ATP9B: variants seen among roughly 807,000 people sequenced by gnomAD.
The protein encoded by ATP9B is probable phospholipid-transporting ATPase IIB.
A neutral mutation model predicts 146.1 loss-of-function variants in ATP9B; 110 were observed. The observed-to-expected ratio is 0.75, with a 90% CI of 0.65 to 0.88. The LOEUF (loss-of-function observed/expected upper bound fraction) is 0.88. Ranked by LOEUF, ATP9B falls within the 40% of genes least tolerant of loss-of-function variation. The pLI is 0.00. For missense variants in ATP9B, 1,499 were observed against 1,496.4 expected (o/e 1.00, Z -0.03); for synonymous variants, 604 against 569.7 (o/e 1.06, Z -0.86).
chr18:79,176,929 C>A, intron 8 of ATP9B, 22 bp downstream of exon 8: 1 of 1,598,784 alleles, frequency 6.3e-7, no homozygotes, highest in South Asian at 1.1e-5. Flanking sequence ...CAAGACTACT[C>A]CATCCTTTTA....
At chr18:79,297,556 G>C (rs767687139) in intron 13 of ATP9B, among the ~76,000 whole-genome samples, 5 of 152,236 alleles carry the variant, frequency 3.3e-5, no homozygotes, top group Non-Finnish European at 7.3e-5. Context: ...AATGGGATGT[G>C]GAATTCCATG....
At chr18:79,260,521 A>G (rs1240656646) in intron 12 of ATP9B, among the ~76,000 whole-genome samples, 1 of 152,224 alleles carries the variant, frequency 6.6e-6, no homozygotes, top group African/African-American at 2.4e-5. Context: ...GGGTTATCCA[A>G]GAAGGATCTG....
At chr18:79,326,564 G>A (rs940768998) in intron 15 of ATP9B, among the ~76,000 whole-genome samples, 2 of 151,948 alleles carry the variant, frequency 1.3e-5, no homozygotes, top group African/African-American at 4.8e-5. Flanking sequence ...ATGGTGTTAA[G>A]TGTCATCTCT....
chr18:79,078,083 A>C (rs2072832438), intron 1 of ATP9B: 1 of 152,386 alleles, frequency 6.6e-6, no homozygotes, highest in Admixed American at 6.5e-5. Flanking sequence ...CCACCTGGGC[A>C]ATGGGGAGAG....
At chr18:79,099,203 TTTTCTTTTCTTTTCTTTTTTC>T (rs1165882600) in intron 2 of ATP9B, among the ~76,000 whole-genome samples, 1 of 152,050 alleles carries the variant, frequency 6.6e-6, no homozygotes, top group Non-Finnish European at 1.5e-5. Flanking sequence ...TCTATTTCTT[TTTTCTTTTCTTTTCTTTTTTC>T]TTTCTTTTCT....
chr18:79,177,733 T>G (rs2095196096), intron 8 of ATP9B, among the ~76,000 whole-genome samples: 1 of 152,134 alleles, frequency 6.6e-6, no homozygotes, highest in African/African-American at 2.4e-5. Flanking sequence ...TTTCTTCTAT[T>G]TTCTCTCTGT....
chr18:79,124,593 A>G lies in ATP9B; in HGVS notation c.559-1674A>G, dbSNP rs139210770. ...TGCTTCCAACAACCCCTGGGAATAC[A>G]CTGGCAAAGATCAGAAAGACATCAT... On this transcript the variant is annotated intron_variant, in intron 4 of 29. Coordinates refer to ENST00000426216, the MANE Select transcript of ATP9B (RefSeq NM_198531.5). 3.1e-3 allele frequency among the ~76,000 whole-genome samples: 477 copies of G among 152,366 alleles called. 4 individuals carry two copies. Among genetic ancestry groups the G allele is most frequent in the Non-Finnish European group, 4.7e-3 (318 of 68,038 alleles).
rs546416385 is a variant in ATP9B at position 79,119,612 on chromosome 18, A to G, written c.558+6258A>G. ...AGAGAAGTGAAAAGCCACTTTTTCC[A>G]TTTGAATAATGCTTGACGTTGCCTT... On this transcript the variant is annotated intron_variant, in intron 4 of 29. Coordinates refer to ENST00000426216, the MANE Select transcript of ATP9B (RefSeq NM_198531.5). Among the ~76,000 whole-genome samples the G allele has an allele frequency of 8.5e-5, 13 of 152,312 alleles. 1 individual carries two copies. In the South Asian group the frequency reaches 2.1e-3, roughly 24 times the overall value.
At chr18:79,354,612 G>GGCCCAGCTCCACTTCCA (rs2096940467) in intron 25 of ATP9B, 1 of 126,798 alleles carries the variant, frequency 7.9e-6, no homozygotes, top group African/African-American at 2.8e-5. Flanking sequence ...CCCCACTTCC[G>GGCCCAGCTCCACTTCCA]GCCCAGCTCC....
chr18:79,213,918 A>G (rs747623761), intron 10 of ATP9B, 44 bp from the exon 11 acceptor site: 1 of 1,369,018 alleles, frequency 7.3e-7, no homozygotes, highest in South Asian at 1.3e-5. Context: ...TCTTTTACTC[A>G]TCTTTAAAGT....
chr18:79,100,948 A>C (rs146364263), intron 2 of ATP9B, among the ~76,000 whole-genome samples: 5 of 152,332 alleles, frequency 3.3e-5, no homozygotes, highest in Non-Finnish European at 7.3e-5. Context: ...ATCACCTCCC[A>C]CAACAGGTGG....
At chr18:79,199,347 T>C (rs868218976) in intron 9 of ATP9B, among the ~76,000 whole-genome samples, 5 of 152,358 alleles carry the variant, frequency 3.3e-5, no homozygotes, top group African/African-American at 4.8e-5. Flanking sequence ...ACTCTATTAA[T>C]AACACTTAGC....
At chr18:79,249,918 C>T (rs2096006670) in intron 11 of ATP9B, among the ~76,000 whole-genome samples, 1 of 152,176 alleles carries the variant, frequency 6.6e-6, no homozygotes, top group Non-Finnish European at 1.5e-5. Flanking sequence ...ATTCCAGGAA[C>T]AACAGTCATA....
At chr18:79,076,729 G>A (rs1234783277) in intron 1 of ATP9B, among the ~76,000 whole-genome samples, 1 of 152,080 alleles carries the variant, frequency 6.6e-6, no homozygotes, top group Non-Finnish European at 1.5e-5. Context: ...GCCATTCTTT[G>A]AGTGCTTTTT....
Position 79,337,348 on chromosome 18 carries a change from C to T in ATP9B, c.2182C>T (p.Leu728=). ...CAAGGTGGCCGCGGTAGTCGAGAGC[C>T]TGGAGAGGGAGATGGAACTGCTGTG... ...SLKVAAVVES[L]EREMELLCLT... Residue 728 remains leucine (L), a synonymous_variant, in exon 19 of 30, where the codon CTG becomes TTG. Transcript: ENST00000426216. The T allele has an allele frequency of 1.2e-6, 2 of 1,614,154 alleles. No homozygotes were observed. The highest frequency in any genetic ancestry group is 1.7e-6 in the Non-Finnish European group (2 of 1,180,036).
intron 17 of ATP9B, among the ~76,000 whole-genome samples, chr18:79,333,384 A>G (rs115218639): frequency 0.024 from 3,695 of 152,306 alleles, 122 homozygotes; most frequent in African/African-American, 0.077. Context: ...CCTGCCATGC[A>G]GATTCTCAGT....
chr18:79,194,864 A>T (rs1009989620), intron 9 of ATP9B, among the ~76,000 whole-genome samples: 3 of 152,340 alleles, frequency 2.0e-5, no homozygotes, highest in African/African-American at 7.2e-5. Flanking sequence ...GGATGCTGAT[A>T]TCATCCAGGT....
At chr18:79,096,914 C>A (rs969036406) in intron 2 of ATP9B, among the ~76,000 whole-genome samples, 1 of 151,926 alleles carries the variant, frequency 6.6e-6, no homozygotes, top group African/African-American at 2.4e-5. Context: ...CCTAGCACTT[C>A]GGGAGGCTAA....
intron 25 of ATP9B, among the ~76,000 whole-genome samples, chr18:79,348,435 T>C (rs2096904168): frequency 6.6e-6 from 1 of 152,206 alleles, no homozygotes; most frequent in Non-Finnish European, 1.5e-5. Flanking sequence ...CCATAGTTTG[T>C]GTCAGGAACT....
Sources: gnomAD v4.1 joint callset for allele counts (sites outside exome capture counted in the v4.1 genomes callset) on GRCh38, gnomAD v4.1.1 for gene constraint, MANE v1.5 for transcripts, NCBI Gene and HGNC (gene_info 2026-07-23, HGNC 2026-07-21) for gene names.